AKAP6: variants seen among roughly 807,000 people sequenced by gnomAD.
AKAP6 encodes A-kinase anchor protein 6.
A neutral mutation model predicts 188.5 loss-of-function variants in AKAP6; 58 were observed. The observed-to-expected ratio is 0.31, with a 90% CI of 0.25 to 0.38. The LOEUF (loss-of-function observed/expected upper bound fraction) is 0.38, where lower values mean the gene tolerates loss of function less well. Among genes scored for constraint, AKAP6 ranks in the 10% least tolerant of loss-of-function variants. AKAP6 has a pLI of 1.00. For synonymous variants in AKAP6, 989 were observed against 998.6 expected, an observed-to-expected ratio of 0.99 and a Z score of 0.18; for missense variants, 2,710 against 2,740.0, an observed-to-expected ratio of 0.99 and a Z score of 0.24.
At chr14:32,682,971 A>G (rs752884026) in intron 8 of AKAP6, among the ~76,000 whole-genome samples, 33 of 133,954 alleles carry the variant, frequency 2.5e-4, no homozygotes, top group Non-Finnish European at 3.9e-4. Context: ...ATCCCAGGTG[A>G]TTCTTTTTTT....
intron 9 of AKAP6, among the ~76,000 whole-genome samples, chr14:32,731,229 T>A (rs1225010443): frequency 6.6e-6 from 1 of 152,160 alleles, no homozygotes; most frequent in African/African-American, 2.4e-5. Context: ...GCTAAAAGTA[T>A]GCAAACATAT....
chr14:32,399,307 A>G (rs1053746070), intron 1 of AKAP6, among the ~76,000 whole-genome samples: 1 of 152,214 alleles, frequency 6.6e-6, no homozygotes, highest in African/African-American at 2.4e-5. Context: ...GAAAGATTGG[A>G]CTTTGTTGTG....
At position 32,824,345 on chromosome 14, in the gene AKAP6, G is replaced by A. The variant is rs982411521; in HGVS notation, c.6532G>A (p.Glu2178Lys). The change falls in exon 13 of 14, where the codon GAA becomes AAA. Residue 2178 changes from glutamate (E) to lysine (K), a missense_variant. Around this residue, in one of 2 missense-constraint regions of AKAP6, gnomAD observed 2,473 missense variants for 2,426.1 expected, o/e 1.02. Coordinates refer to ENST00000280979, the MANE Select transcript of AKAP6 (RefSeq NM_004274.5). The stretch of plus-strand genomic sequence containing the variant: ...TTGTTTCTCTAGTGCTCCTCCAAAT[G>A]AATCTGCAGTTCCCAGCGAAGCTGC... ...EPCFSSAPPNESAVPSEAAMP... is the reference protein window; with the variant it reads ...EPCFSSAPPNKSAVPSEAAMP... The A allele has an allele frequency of 1.9e-6, 3 of 1,613,742 alleles. No individual in the cohort carries two copies. The African/African-American group carries it at 4.0e-5, about 22-fold the overall frequency.
chr14:32,756,904 C>T (rs541631356), intron 11 of AKAP6, among the ~76,000 whole-genome samples: 3 of 152,196 alleles, frequency 2.0e-5, no homozygotes, highest in Admixed American at 1.3e-4. Flanking sequence ...TGACCTGGAG[C>T]TGGGGTGTGC....
At position 32,732,552 on chromosome 14, in the gene AKAP6, TCTC is replaced by T. The variant is rs752764667; in HGVS notation, c.3102_3104del (p.Leu1035del). 33 of 1,613,428 alleles carry T rather than the reference TCTC, an allele frequency of 2.0e-5. No individual in the cohort carries two copies. The highest frequency in any genetic ancestry group is 6.7e-5 in the African/African-American group (5 of 74,870). ...AAGGTGGCGTTTTACTACCAAATGA[TCTC>T]CTTGAAAAAGTGGATTCAATTAATG... On this transcript the variant is annotated inframe_deletion, in exon 10 of 14. Coordinates refer to ENST00000280979, the MANE Select transcript of AKAP6 (RefSeq NM_004274.5).
At position 32,822,769 on chromosome 14, in the gene AKAP6, A is replaced by C. The variant is rs146970797; in HGVS notation, c.4956A>C (p.Arg1652=). The C allele has an allele frequency of 1.8e-5, 29 of 1,613,910 alleles. No homozygotes were observed. The African/African-American group carries it at 3.2e-4, about 18-fold the overall frequency. The part of the protein sequence containing the change: ...IQSPSEQKIK[R]SVSDITLQSS... ...GCCCCTCAGAGCAAAAGATAAAACG[A>C]AGTGTTTCTGATATCACTCTTCAAA... Residue 1652 remains arginine (R), a synonymous_variant, in exon 13 of 14, where the codon CGA becomes CGC. Transcript: ENST00000280979.
rs1192411725 is a variant in AKAP6 at position 32,836,533 on chromosome 14, T to G, written c.*6728T>G. The G allele has an allele frequency of 6.6e-6, 1 of 152,088 alleles. No individual in the cohort carries two copies. Among genetic ancestry groups the G allele is most frequent in the Non-Finnish European group, 1.5e-5 (1 of 68,016 alleles). The allele number at this position is 152,088 out of a possible 1,614,324, so 9.4% of individuals were successfully genotyped here. A position where few individuals can be genotyped will look rare whatever the true frequency, so the allele number is the denominator to read the frequency against. On this transcript the variant is annotated 3_prime_UTR_variant, in exon 14 of 14. Coordinates refer to ENST00000280979, the MANE Select transcript of AKAP6 (RefSeq NM_004274.5). ...CTTCCAGGCTTTTGCCAAACATTAG[T>G]AAACAATTTCCAGTGAATACTCTGC...
At chr14:32,752,018 T>G (rs2032158873) in intron 11 of AKAP6, among the ~76,000 whole-genome samples, 1 of 152,220 alleles carries the variant, frequency 6.6e-6, no homozygotes, top group South Asian at 2.1e-4. Context: ...TGATGTGTGT[T>G]GATTTTTCTG....
At chr14:32,575,992 AT>A (rs535218822) in intron 4 of AKAP6, among the ~76,000 whole-genome samples, 2 of 151,728 alleles carry the variant, frequency 1.3e-5, no homozygotes, top group East Asian at 3.9e-4. Flanking sequence ...TTTTCTCATG[AT>A]TTTTTTTGAG....
rs1160207768 is a variant in AKAP6, at chr14:32,391,312, CT to C, written c.-34-42147del. 8.5e-5 allele frequency among the ~76,000 whole-genome samples: 13 copies of C among 152,132 alleles called. 1 individual carries two copies. Among genetic ancestry groups the C allele is most frequent in the Non-Finnish European group, 1.9e-4 (13 of 68,026 alleles). On this transcript the variant is annotated intron_variant, in intron 1 of 13. Coordinates refer to ENST00000280979, the MANE Select transcript of AKAP6 (RefSeq NM_004274.5). Reference sequence around the variant, plus strand: ...GCTTGTCTTATTTAGATGTTTTTCTCTGATGTCTTGGTCTTGAGTCTTCAGC... The same window carrying C: ...GCTTGTCTTATTTAGATGTTTTTCTCGATGTCTTGGTCTTGAGTCTTCAGC...
At chr14:32,814,060 A>C (rs915205261) in intron 12 of AKAP6, among the ~76,000 whole-genome samples, 1 of 152,132 alleles carries the variant, frequency 6.6e-6, no homozygotes, top group Non-Finnish European at 1.5e-5. Context: ...ACAGTACCTG[A>C]CAGGGCCACA....
At chr14:32,364,739 A>G (rs1887774918) in intron 1 of AKAP6, among the ~76,000 whole-genome samples, 1 of 152,084 alleles carries the variant, frequency 6.6e-6, no homozygotes, top group Admixed American at 6.5e-5. Context: ...TTTTTTAATC[A>G]TTTCCCACAA....
chr14:32,487,937 C>T (rs931042455), intron 2 of AKAP6, among the ~76,000 whole-genome samples: 5 of 152,200 alleles, frequency 3.3e-5, no homozygotes, highest in Admixed American at 2.6e-4. Context: ...GGGCACCCAC[C>T]AGATGCCAGC....
At chr14:32,794,808 G>A (rs961662094) in intron 12 of AKAP6, among the ~76,000 whole-genome samples, 8 of 151,948 alleles carry the variant, frequency 5.3e-5, no homozygotes, top group African/African-American at 1.9e-4. Flanking sequence ...CTGAACTGAA[G>A]GAGATAGAGA....
In AKAP6 at chr14:32,478,417, C is replaced by A. The variant is rs533612984; in HGVS notation, c.324+44600C>A. 8.5e-5 allele frequency among the ~76,000 whole-genome samples: 13 copies of A among 152,300 alleles called. No homozygotes were observed. The East Asian group carries it at 2.3e-3, about 27-fold the overall frequency. ...TGAAAAGGAGAATTCCAAGCTCCAA[C>A]TGGAGTCAAGATGTGAAGCAGCAGC... On this transcript the variant is annotated intron_variant, in intron 2 of 13. Transcript: ENST00000280979.
chr14:32,729,560 G>A (rs1319851830), intron 9 of AKAP6, among the ~76,000 whole-genome samples: 2 of 151,810 alleles, frequency 1.3e-5, no homozygotes, highest in African/African-American at 2.4e-5. Context: ...ATATACACAG[G>A]GATGGCATTT....
chr14:32,800,930 T>A (rs1324378511), intron 12 of AKAP6, among the ~76,000 whole-genome samples: 3 of 152,064 alleles, frequency 2.0e-5, no homozygotes, highest in African/African-American at 7.2e-5. Flanking sequence ...GGTGAGAGGA[T>A]CACTTGAGCC....
intron 4 of AKAP6, among the ~76,000 whole-genome samples, chr14:32,551,098 T>C (rs1883439220): frequency 6.6e-6 from 1 of 152,194 alleles, no homozygotes; most frequent in Admixed American, 6.5e-5. Context: ...CTTTTCCCCA[T>C]GCTCACTACA....
intron 12 of AKAP6, among the ~76,000 whole-genome samples, chr14:32,788,523 G>A (rs150446094): frequency 0.011 from 1,651 of 152,288 alleles, 27 homozygotes; most frequent in African/African-American, 0.037. Context: ...AAGAAAAGCA[G>A]GGGGTGGGGG....
Sources: allele counts gnomAD v4.1 joint callset (sites outside exome capture counted in the v4.1 genomes callset), GRCh38; gene constraint gnomAD v4.1.1; regional missense constraint gnomAD v4.1.1; transcripts MANE v1.5; gene names NCBI Gene and HGNC (gene_info 2026-07-23, HGNC 2026-07-21).